The following APOB variants were observed in gnomAD, a reference collection of about 807,000 sequenced individuals.
APOB encodes the protein apolipoprotein B-100.
In APOB, 153 loss-of-function variants were observed where a neutral mutation model predicts 314.1. That is an observed-to-expected ratio of 0.49 (90% CI 0.43 to 0.56). The LOEUF is 0.56. Among genes scored for constraint, APOB ranks in the 20% least tolerant of loss-of-function variants. The pLI, the probability that APOB is intolerant of heterozygous loss-of-function variation, is 0.00. For missense variants in APOB, 5,430 were observed against 5,350.7 expected (o/e 1.01, Z -0.46); for synonymous variants, 2,087 against 2,036.4 (o/e 1.02, Z -0.67).
At chr2:21,022,650 T>G (rs1663639985) in intron 18 of APOB, among the ~76,000 whole-genome samples, 181 bp downstream of exon 18, 1 of 152,166 alleles carries the variant, frequency 6.6e-6, no homozygotes, top group Non-Finnish European at 1.5e-5. Context: ...AATTATGTAG[T>G]TATGTAGTAA....
In APOB at chr2:21,026,839, A is replaced by C; in HGVS notation, c.2193T>G (p.Ser731=). 1.9e-6 allele frequency: 3 copies of C among 1,614,086 alleles called. No homozygotes were observed. Among genetic ancestry groups the C allele is most frequent in the Non-Finnish European group, 2.5e-6 (3 of 1,179,928 alleles). The change falls in exon 15 of 29, where the codon TCT becomes TCG. Residue 731 remains serine, a synonymous_variant. Coordinates refer to ENST00000233242, the MANE Select transcript of APOB (RefSeq NM_000384.3). ...WVNGQVPDGV[S]KVLVDHFGYT... ...AGCCAAAGTGGTCCACTAAGACCTT[A>C]GAGACACCATCAGGAACTTGACCAT...
At position 21,026,938 on chromosome 2, in the gene APOB, C is replaced by T. The variant is rs1663745031; in HGVS notation, c.2094G>A (p.Glu698=). ...TCCCAAAAAGAGCTTCCAATGTTGGCTCAAAGCCTTTTCCTTCCAAGCCAA... is the reference window on the plus strand; with the variant it reads ...TCCCAAAAAGAGCTTCCAATGTTGGTTCAAAGCCTTTTCCTTCCAAGCCAA... ...IEIGLEGKGF[E]PTLEALFGKQ... The change falls in exon 15 of 29, where the codon GAG becomes GAA. Residue 698 remains glutamate (E), a synonymous_variant. Transcript: ENST00000233242. 1 of 1,614,192 alleles carries T rather than the reference C, an allele frequency of 6.2e-7. No homozygotes were observed. Among genetic ancestry groups the T allele is most frequent in the Non-Finnish European group, 8.5e-7 (1 of 1,180,036 alleles).
chr2:21,026,850 C>T lies in APOB; in HGVS notation c.2182G>A (p.Asp728Asn), dbSNP rs765076371. The T allele has an allele frequency of 1.2e-6, 2 of 1,614,092 alleles. No homozygotes were observed. Among genetic ancestry groups the T allele is most frequent in the Admixed American group, 1.7e-5 (1 of 60,022 alleles). The change falls in exon 15 of 29, where the codon GAT (aspartate) becomes AAT (asparagine). Residue 728 changes from aspartate (D) to asparagine (N), a missense_variant. Coordinates refer to ENST00000233242, the MANE Select transcript of APOB (RefSeq NM_000384.3). Reference sequence around the variant, plus strand: ...TCCACTAAGACCTTAGAGACACCATCAGGAACTTGACCATTAACCCAGTAC... The same window carrying T: ...TCCACTAAGACCTTAGAGACACCATTAGGAACTTGACCATTAACCCAGTAC... The part of the protein sequence containing the change: ...ALYWVNGQVP[D>N]GVSKVLVDHF...
intron 21 of APOB, 72 bp downstream of exon 21, chr2:21,016,367 A>T (rs1663463339): frequency 1.2e-6 from 1 of 815,056 alleles, no homozygotes; most frequent in Non-Finnish European, 2.2e-6. Flanking sequence ...TCAGGTATGA[A>T]GTGGAAGAGG....
rs756356031 is a variant in APOB, at chr2:21,024,858, G to A, written c.2436+75C>T. On this transcript the variant is annotated intron_variant, in intron 16 of 28. Transcript: ENST00000233242. ...TTTTCGGGCTTGTGCAGCTGGGATC[G>A]TAAGGGAGTCTGGGCGATCTAAAAA... is the stretch of plus-strand genomic sequence containing the variant. The A allele has an allele frequency of 1.9e-5, 28 of 1,494,808 alleles. 1 individual carries two copies. The highest frequency in any genetic ancestry group is 8.3e-5 in the African/African-American group (6 of 72,554). The allele number at this position is 1,494,808 out of a possible 1,614,324, so 92.6% of individuals were successfully genotyped here.
chr2:21,035,811 A>G, intron 6 of APOB, 103 bp from the exon 7 acceptor site: 1 of 1,174,464 alleles, frequency 8.5e-7, no homozygotes, highest in Non-Finnish European at 1.2e-6. Flanking sequence ...GTACCACTAG[A>G]TAAACTCAGA....
intron 6 of APOB, 148 bp downstream of exon 6, chr2:21,036,952 G>A (rs369867043): frequency 4.0e-5 from 40 of 1,001,890 alleles, no homozygotes; most frequent in East Asian, 7.9e-5. Context: ...AGACCTTCCC[G>A]TGCCTGCTCA....
At chr2:21,016,005 C>T (rs1663453396) in intron 21 of APOB, among the ~76,000 whole-genome samples, 1 of 152,148 alleles carries the variant, frequency 6.6e-6, no homozygotes, top group South Asian at 2.1e-4. Context: ...ATGTTGAGAG[C>T]TTGGCCGGGT....
intron 8 of APOB, 54 bp downstream of exon 8, chr2:21,034,762 G>A (rs977944016): frequency 3.0e-6 from 3 of 1,008,866 alleles, no homozygotes; most frequent in South Asian, 1.3e-5. Flanking sequence ...GCTAAGCCAT[G>A]ATAGGCACAT....
rs1662976898 is a variant in APOB at position 21,001,568 on chromosome 2, T to C, written c.*162A>G. On this transcript the variant is annotated 3_prime_UTR_variant, in exon 29 of 29. Coordinates refer to ENST00000233242, the MANE Select transcript of APOB (RefSeq NM_000384.3). ...GACCTTCCGAGCCCTGGTGCCAGCT[T>C]TGGTGCAGGTCCAGTTCATATGTGC... 1.4e-5 allele frequency: 9 copies of C among 651,806 alleles called. No homozygotes were observed. The South Asian group carries it at 1.9e-4, about 13-fold the overall frequency. The allele number at this position is 651,806 out of a possible 1,614,324, so 40.4% of individuals were successfully genotyped here. A position where few individuals can be genotyped will look rare whatever the true frequency, so the allele number is the denominator to read the frequency against.
chr2:21,016,722 C>A, intron 20 of APOB, 73 bp from the exon 21 acceptor site: 1 of 964,888 alleles, frequency 1.0e-6, no homozygotes, highest in Admixed American at 1.7e-5. Context: ...CGGTGGCTCA[C>A]ACCTGTAATC....
rs1451501522 is a variant in APOB, at chr2:21,006,525, G to C, written c.10343C>G (p.Thr3448Ser). ...GGAAGAGACAGTAGGTTTTGACTTG[G>C]TATTTCCATTAAGTTCTTGCTTGAA... ...MNFKQELNGN[T>S]KSKPTVSSSM... Residue 3448 changes from threonine (T) to serine (S), a missense_variant, in exon 26 of 29, where the codon ACC (threonine) becomes AGC (serine). By Grantham distance (58) the Thr-to-Ser change is moderately conservative (BLOSUM62 1). Coordinates refer to ENST00000233242, the MANE Select transcript of APOB (RefSeq NM_000384.3). 2 of 1,613,956 alleles carry C rather than the reference G, an allele frequency of 1.2e-6. No homozygotes were observed. The highest frequency in any genetic ancestry group is 1.7e-5 in the Admixed American group (1 of 59,992).
chr2:21,028,488 A>G lies in APOB; in HGVS notation c.1668T>C (p.Asp556=), dbSNP rs913744512. The change falls in exon 13 of 29, where the codon GAT becomes GAC. Residue 556 remains aspartate, a synonymous_variant. Transcript: ENST00000233242. Reference sequence around the variant, plus strand: ...ACATAAGATAGGCAGCCAGTCGCTTATCTCCCGGAGAAGCATCATCAAGGA... The same window carrying G: ...ACATAAGATAGGCAGCCAGTCGCTTGTCTCCCGGAGAAGCATCATCAAGGA... ...QTFLDDASPG[D]KRLAAYLMLM... 6.2e-7 allele frequency: 1 copy of G among 1,613,862 alleles called. No individual in the cohort carries two copies.
chr2:21,012,347 C>G lies in APOB; in HGVS notation c.4521G>C (p.Arg1507Ser). The stretch of plus-strand genomic sequence containing the variant: ...CATTGAGCCGGCCAGTGTTAGGATC[C>G]CTCTGACAAGACAGGCCATATGTGC... Reference protein sequence around the residue: ...AKGTYGLSCQRDPNTGRLNGE... With the variant: ...AKGTYGLSCQSDPNTGRLNGE... The change falls in exon 26 of 29, where the codon AGG becomes AGC. Residue 1507 changes from arginine to serine, a missense_variant. Around this residue, in one of 3 missense-constraint regions of APOB, gnomAD observed 2,085 missense variants for 2,079.7 expected, o/e 1.00. Coordinates refer to ENST00000233242, the MANE Select transcript of APOB (RefSeq NM_000384.3). The G allele has an allele frequency of 6.2e-7, 1 of 1,614,124 alleles. No homozygotes were observed. The highest frequency in any genetic ancestry group is 1.1e-5 in the South Asian group (1 of 91,068).
chr2:21,008,107 A>C lies in APOB; in HGVS notation c.8761T>G (p.Trp2921Gly), dbSNP rs759147690. 6.2e-7 allele frequency: 1 copy of C among 1,613,936 alleles called. No homozygotes were observed. The highest frequency in any genetic ancestry group is 1.3e-5 in the African/African-American group (1 of 74,910). The change falls in exon 26 of 29, where the codon TGG becomes GGG. Residue 2921 changes from tryptophan (W) to glycine (G), a missense_variant. By Grantham distance (184) the Trp-to-Gly change is radical (BLOSUM62 -2). Coordinates refer to ENST00000233242, the MANE Select transcript of APOB (RefSeq NM_000384.3). ...KTLLKAGHIA[W>G]TSSGKGSWKW... is the part of the protein sequence containing the mutation. ...CATGACCCTTTTCCAGAAGAAGTCC[A>C]TGCTATGTGGCCAGCTTTCAACAGT...
At chr2:21,023,373 C>A in intron 17 of APOB, 152 bp downstream of exon 17, 1 of 903,858 alleles carries the variant, frequency 1.1e-6, no homozygotes. Context: ...CTGGTGGAAG[C>A]TTGAAGTTTT....
intron 8 of APOB, among the ~76,000 whole-genome samples, 178 bp downstream of exon 8, chr2:21,034,638 T>C (rs1457968282): frequency 6.6e-6 from 1 of 152,250 alleles, no homozygotes; most frequent in African/African-American, 2.4e-5. Flanking sequence ...TTTTCCTTTA[T>C]GCCATTGCAA....
chr2:21,039,991 C>T (rs1315734511), intron 4 of APOB, among the ~76,000 whole-genome samples: 1 of 152,184 alleles, frequency 6.6e-6, no homozygotes, highest in African/African-American at 2.4e-5. Flanking sequence ...CGTCTCGTAG[C>T]TCTCATAATT....
Position 21,009,996 on chromosome 2 carries a change from G to A in APOB, c.6872C>T (p.Ala2291Val), listed in dbSNP as rs201827680. ...ATCTAAAAGCACTCTAACATCAATAGCCTCAATGTGTTGTTTTAACTTTCC... is the reference window on the plus strand; with the variant it reads ...ATCTAAAAGCACTCTAACATCAATAACCTCAATGTGTTGTTTTAACTTTCC... ...LAGKLKQHIE[A>V]IDVRVLLDQL... Residue 2291 changes from alanine to valine, a missense_variant, in exon 26 of 29, where the codon GCT (alanine) becomes GTT (valine). This residue lies in a region of APOB where 3,281 missense variants were observed against 3,171.0 expected (regional missense o/e 1.03). Transcript: ENST00000233242. 1 of 1,613,648 alleles carries A rather than the reference G, an allele frequency of 6.2e-7. No homozygotes were observed. The highest frequency in any genetic ancestry group is 8.5e-7 in the Non-Finnish European group (1 of 1,179,902).
Sources: gnomAD v4.1 joint callset for allele counts (sites outside exome capture counted in the v4.1 genomes callset) on GRCh38, gnomAD v4.1.1 for gene constraint, gnomAD v4.1.1 regional missense constraint, MANE v1.5 for transcripts, NCBI Gene and HGNC (gene_info 2026-07-23, HGNC 2026-07-21) for gene names.